SLC7A8: variants seen among roughly 807,000 people sequenced by gnomAD.
SLC7A8 encodes the protein large neutral amino acids transporter small subunit 2.
Under a neutral mutation model 51.2 loss-of-function variants are expected in SLC7A8, and 30 were observed. That is an observed-to-expected ratio of 0.59 (90% CI 0.44 to 0.80). SLC7A8 has a LOEUF of 0.80. Among genes scored for constraint, SLC7A8 ranks in the 30% least tolerant of loss-of-function variants. The pLI is 0.00. For synonymous variants in SLC7A8, 257 were observed against 275.8 expected (o/e 0.93, Z 0.67); for missense variants, 612 against 674.4 (o/e 0.91, Z 1.03).
rs1352237428 is a variant in SLC7A8, at chr14:23,182,929, T to C, written c.-15A>G. 1.9e-6 allele frequency: 3 copies of C among 1,613,990 alleles called. No individual in the cohort carries two copies. The highest frequency in any genetic ancestry group is 1.7e-6 in the Non-Finnish European group (2 of 1,180,004). ...CCTTCTTCCATCCTTCTCAGTAGGA[T>C]TGCAACCTCAAAAGCTGCCTCCCTT... On this transcript the variant is annotated 5_prime_UTR_variant, in exon 1 of 11. Transcript: ENST00000316902.
intron 6 of SLC7A8, among the ~76,000 whole-genome samples, chr14:23,139,144 G>A (rs897397770): frequency 3.3e-5 from 5 of 152,108 alleles, no homozygotes; most frequent in African/African-American, 9.7e-5. Flanking sequence ...TTCTGTAAAG[G>A]GCCAGATAGT....
At chr14:23,148,536 G>A (rs2048818758) in intron 3 of SLC7A8, among the ~76,000 whole-genome samples, 1 of 152,184 alleles carries the variant, frequency 6.6e-6, no homozygotes, top group Admixed American at 6.5e-5. Context: ...CCAAGTTAAG[G>A]ATCTTGAGAT....
At chr14:23,156,860 G>C (rs1413464352) in intron 3 of SLC7A8, among the ~76,000 whole-genome samples, 1 of 152,200 alleles carries the variant, frequency 6.6e-6, no homozygotes, top group African/African-American at 2.4e-5. Context: ...TCTCTGAACA[G>C]CAGAACTTCT....
At chr14:23,146,523 C>T (rs1226204280) in intron 3 of SLC7A8, among the ~76,000 whole-genome samples, 1 of 152,204 alleles carries the variant, frequency 6.6e-6, no homozygotes, top group Non-Finnish European at 1.5e-5. Flanking sequence ...GATAGGGATG[C>T]TTTGTAAAAT....
chr14:23,140,739 C>T, intron 4 of SLC7A8, 115 bp from the exon 5 acceptor site: 1 of 1,049,556 alleles, frequency 9.5e-7, no homozygotes, highest in Non-Finnish European at 1.4e-6. Flanking sequence ...CCAACTCTGT[C>T]TTGTCTCCAG....
At chr14:23,154,113 C>T (rs1216786060) in intron 3 of SLC7A8, 5 of 317,522 alleles carry the variant, frequency 1.6e-5, no homozygotes, top group African/African-American at 2.3e-5. Flanking sequence ...GAAGCAGTGA[C>T]GCCACTTTGT....
At position 23,127,253 on chromosome 14, in the gene SLC7A8, A is replaced by G. The variant is rs1298022166; in HGVS notation, c.1532T>C (p.Met511Thr). ...GSGTEEANED[M>T]EEQQQPMYQP... ...GTACATGGGCTGCTGCTGCTCCTCC[A>G]TGTCCTCATTAGCCTCCTCTGTCCC... The change falls in exon 11 of 11, where the codon ATG becomes ACG. Residue 511 changes from methionine to threonine, a missense_variant. By Grantham distance (81) the Met-to-Thr change is moderately conservative. Transcript: ENST00000316902. The G allele has an allele frequency of 1.2e-6, 2 of 1,613,882 alleles. No individual in the cohort carries two copies. The highest frequency in any genetic ancestry group is 1.7e-5 in the Admixed American group (1 of 59,994).
chr14:23,132,144 C>T (rs931614522), intron 7 of SLC7A8, among the ~76,000 whole-genome samples: 66 of 151,764 alleles, frequency 4.3e-4, no homozygotes, highest in African/African-American at 1.6e-3. Context: ...GGTGGGATTA[C>T]AGGTGTGTGC....
chr14:23,128,327 G>C lies in SLC7A8; in HGVS notation c.1264-131C>G. 1.3e-6 allele frequency: 2 copies of C among 1,543,462 alleles called. No individual in the cohort carries two copies. The highest frequency in any genetic ancestry group is 1.7e-6 in the Non-Finnish European group (2 of 1,147,674). On this transcript the variant is annotated intron_variant, in intron 9 of 10. Transcript: ENST00000316902. This position sits in a 1 kb window ranked among gnomAD's most constrained non-coding sequence, Gnocchi z 4.3. ...AAGGGCAAAGGCTGGGCTTCCCTCG[G>C]CTCTGTGGTCCCACACTCACCCCTG...
In SLC7A8 at chr14:23,129,684, C is replaced by T. The variant is rs753611952; in HGVS notation, c.1229G>A (p.Arg410His). 1.4e-5 allele frequency: 22 copies of T among 1,614,024 alleles called. 1 individual carries two copies. Among genetic ancestry groups the T allele is most frequent in the Middle Eastern group, 1.6e-4 (1 of 6,084 alleles). Residue 410 changes from arginine to histidine, a missense_variant, in exon 9 of 11, where the codon CGC becomes CAC. Coordinates refer to ENST00000316902, the MANE Select transcript of SLC7A8 (RefSeq NM_012244.4). ...GVTVAGQIVL[R>H]WKKPDIPRPI... ...GCGGGGGATATCAGGCTTCTTCCAG[C>T]GAAGGACTATCTGTCCAGCAACCGT...
At chr14:23,154,316 A>ACTCC (rs2048872448) in intron 3 of SLC7A8, 4 of 999,120 alleles carry the variant, frequency 4.0e-6, no homozygotes, top group Non-Finnish European at 3.6e-6. Context: ...GCTCCCACAG[A>ACTCC]CTCCCTCCCC....
At chr14:23,134,596 C>T (rs1371348789) in intron 7 of SLC7A8, among the ~76,000 whole-genome samples, 4 of 151,764 alleles carry the variant, frequency 2.6e-5, no homozygotes, top group African/African-American at 9.7e-5. Flanking sequence ...CTTGCTCTGT[C>T]ACCCAGGCTG....
At chr14:23,140,687 C>G in intron 4 of SLC7A8, 63 bp from the exon 5 acceptor site, 1 of 1,535,430 alleles carries the variant, frequency 6.5e-7, no homozygotes, top group Non-Finnish European at 8.9e-7. Context: ...CAGCCCCTGG[C>G]CTGCCCTGGC....
Position 23,165,267 on chromosome 14 carries a change from GA to G in SLC7A8, c.508+17del. 1.2e-6 allele frequency: 2 copies of G among 1,601,980 alleles called. No homozygotes were observed. The highest frequency in any genetic ancestry group is 2.2e-5 in the South Asian group (2 of 89,658). On this transcript the variant is annotated intron_variant, in intron 3 of 10. Transcript: ENST00000316902. The surrounding 1 kb of genome is among the most constrained non-coding windows in gnomAD (Gnocchi z 4.2). ...ATAAAAGAGGCTGTCTTGCTACCAAGACCCAGATGACACTTACATAAGCAGA... is the reference window on the plus strand; with the variant it reads ...ATAAAAGAGGCTGTCTTGCTACCAAGCCCAGATGACACTTACATAAGCAGA...
At chr14:23,145,222 C>A (rs1047337104) in intron 3 of SLC7A8, among the ~76,000 whole-genome samples, 18 of 150,468 alleles carry the variant, frequency 1.2e-4, no homozygotes, top group South Asian at 8.6e-4. Context: ...GGATGCATTT[C>A]TTTGTATTAA....
At chr14:23,179,542 G>T (rs944318595) in intron 1 of SLC7A8, among the ~76,000 whole-genome samples, 1 of 152,028 alleles carries the variant, frequency 6.6e-6, no homozygotes, top group Admixed American at 6.6e-5. Context: ...GGGCACGGTG[G>T]CTCATGCCTG....
At chr14:23,166,300 C>G (rs780669123) in intron 2 of SLC7A8, 36 bp downstream of exon 2, 6 of 1,601,560 alleles carry the variant, frequency 3.7e-6, no homozygotes, top group South Asian at 1.1e-5. Flanking sequence ...TCCTCCTTTT[C>G]CCCTAGACCA....
rs777741075 is a variant in SLC7A8 at position 23,140,537 on chromosome 14, C to G, written c.722G>C (p.Gly241Ala). 28 of 1,613,954 alleles carry G rather than the reference C, an allele frequency of 1.7e-5. No homozygotes were observed. The East Asian group carries it at 6.2e-4, about 36-fold the overall frequency. ...IGLVALAFLQ[G>A]SFAYGGWNFL... ...GTTCCAGCCTCCATAGGCAAAGGAG[C>G]CCTGAAGGAAAGCCAGTGCGACGAG... The change falls in exon 5 of 11, where the codon GGC becomes GCC. Residue 241 changes from glycine to alanine, a missense_variant. Coordinates refer to ENST00000316902, the MANE Select transcript of SLC7A8 (RefSeq NM_012244.4).
Position 23,166,435 on chromosome 14 carries a change from G to T in SLC7A8, c.257C>A (p.Thr86Lys). The change falls in exon 2 of 11, where the codon ACA becomes AAA. Residue 86 changes from threonine to lysine, a missense_variant. Thr to Lys is a moderately conservative substitution (Grantham distance 78). Transcript: ENST00000316902. ...LIVWIVTGFI[T>K]VVGALCYAEL... is the part of the protein sequence containing the mutation. ...AGCATAGCAGAGGGCTCCCACAACT[G>T]TGATGAAGCCCGTCACAATCCAGAC... 1 of 1,614,156 alleles carries T rather than the reference G, an allele frequency of 6.2e-7. No homozygotes were observed. Among genetic ancestry groups the T allele is most frequent in the East Asian group, 2.2e-5 (1 of 44,876 alleles).
Sources: allele counts gnomAD v4.1 joint callset (sites outside exome capture counted in the v4.1 genomes callset), GRCh38; gene constraint gnomAD v4.1.1; non-coding constraint Gnocchi (gnomAD v3.1); transcripts MANE v1.5; gene names NCBI Gene and HGNC (gene_info 2026-07-23, HGNC 2026-07-21).